TRPV5: variants seen among roughly 807,000 people sequenced by gnomAD.
TRPV5 encodes transient receptor potential cation channel subfamily V member 5.
In TRPV5, 66 loss-of-function variants were observed where a neutral mutation model predicts 74.1. That is an observed-to-expected ratio of 0.89 (90% confidence interval 0.73 to 1.09). The LOEUF (loss-of-function observed/expected upper bound fraction) is 1.09, where lower values mean the gene tolerates loss of function less well. Ranked by LOEUF, TRPV5 falls within the 50% of genes least tolerant of loss-of-function variation. TRPV5 has a pLI of 0.00. For synonymous variants in TRPV5, 399 were observed against 360.7 expected, an observed-to-expected ratio of 1.11 and a Z score of -1.20; for missense variants, 936 against 930.4, an observed-to-expected ratio of 1.01 and a Z score of -0.08.
intron 1 of TRPV5, among the ~76,000 whole-genome samples, chr7:142,930,707 T>C (rs927249553): frequency 1.3e-5 from 2 of 152,202 alleles, no homozygotes; most frequent in African/African-American, 4.8e-5. Flanking sequence ...GAAGAGTTAA[T>C]AGGAAGAGAA....
Position 142,909,471 on chromosome 7 carries a change from T to C in TRPV5, c.1895+19A>G. The C allele has an allele frequency of 1.2e-6, 2 of 1,613,284 alleles. No individual in the cohort carries two copies. The highest frequency in any genetic ancestry group is 1.3e-5 in the African/African-American group (1 of 75,042). ...CCTTATACACATCTGCAGTTTTGCA[T>C]GTGCACACCATCACTCACCGCAGGA... On this transcript the variant is annotated intron_variant, in intron 14 of 14. Transcript: ENST00000265310.
Position 142,908,242 on chromosome 7 carries a change from T to C in TRPV5, c.*272A>G. The C allele has an allele frequency of 3.6e-6, 2 of 548,076 alleles. No individual in the cohort carries two copies. The highest frequency in any genetic ancestry group is 4.8e-5 in the South Asian group (2 of 41,696). 34.0% of individuals were successfully genotyped at this position (548,076 alleles called of 1,614,324 possible). ...AAATGGTCCTGACATTAATCTAGCA[T>C]CCCTGCCTCATGTCTTTAGTTGCCA... On this transcript the variant is annotated 3_prime_UTR_variant, in exon 15 of 15. Coordinates refer to ENST00000265310, the MANE Select transcript of TRPV5 (RefSeq NM_019841.7).
At chr7:142,913,765 T>C (rs1795746565) in intron 12 of TRPV5, among the ~76,000 whole-genome samples, 1 of 152,254 alleles carries the variant, frequency 6.6e-6, no homozygotes, top group Non-Finnish European at 1.5e-5. Context: ...AATAGAGTCC[T>C]CTGCACTGAG....
Position 142,909,518 on chromosome 7 carries a change from A to C in TRPV5, c.1867T>G (p.Phe623Val). ...AGGAACCAGCGGTCCCCCAGCCCGA[A>C]TTCGCACCCACAGATCCCGGAGCGA... is the stretch of plus-strand genomic sequence containing the variant. ...WPRSGICGCE[F>V]GLGDRWFLRV... The change falls in exon 14 of 15, where the codon TTC becomes GTC. Residue 623 changes from phenylalanine (F) to valine (V), a missense_variant. Coordinates refer to ENST00000265310, the MANE Select transcript of TRPV5 (RefSeq NM_019841.7). 6.2e-7 allele frequency: 1 copy of C among 1,614,094 alleles called. No homozygotes were observed.
chr7:142,914,613 C>A lies in TRPV5; in HGVS notation c.1519+27G>T, dbSNP rs763189416. 5 of 1,600,360 alleles carry A rather than the reference C, an allele frequency of 3.1e-6. No individual in the cohort carries two copies. The Admixed American group carries it at 8.4e-5, about 27-fold the overall frequency. On this transcript the variant is annotated intron_variant, in intron 12 of 14. Coordinates refer to ENST00000265310, the MANE Select transcript of TRPV5 (RefSeq NM_019841.7). The stretch of plus-strand genomic sequence containing the variant: ...TTTCTGGAGAACTAGATCTGCTGAT[C>A]TAGTAGAGGAGTGTATGGTGCCTTA...
chr7:142,917,496 C>T (rs531662072), intron 8 of TRPV5, among the ~76,000 whole-genome samples: 106 of 152,278 alleles, frequency 7.0e-4, no homozygotes, highest in Admixed American at 1.3e-3. Context: ...CCCCTAGAAT[C>T]CAGCCAGGGA....
rs765394613 is a variant in TRPV5, at chr7:142,912,625, C to T, written c.1645G>A (p.Val549Met). The change falls in exon 13 of 15, where the codon GTG becomes ATG. Residue 549 changes from valine to methionine, a missense_variant. Transcript: ENST00000265310. ...TVIDAPANYD[V>M]DLPFMFSIVN... ...ATGCTGAACATGAAGGGCAAGTCCA[C>T]GTCGTAGTTGGCAGGTGCATCAATA... The T allele has an allele frequency of 9.3e-6, 15 of 1,614,100 alleles. No homozygotes were observed. Among genetic ancestry groups the T allele is most frequent in the African/African-American group, 1.3e-5 (1 of 74,924 alleles).
intron 13 of TRPV5, among the ~76,000 whole-genome samples, chr7:142,911,286 C>T (rs1795700480): frequency 6.6e-6 from 1 of 152,160 alleles, no homozygotes; most frequent in Admixed American, 6.5e-5. Flanking sequence ...CCAGATACCT[C>T]TAAAGTTAGT....
chr7:142,924,343 T>TATATATACATATACATGTATATATATAC (rs1795942331), intron 8 of TRPV5, among the ~76,000 whole-genome samples: 4 of 12,204 alleles, frequency 3.3e-4, no homozygotes, highest in African/African-American at 5.6e-4. Flanking sequence ...TATACATATA[T>TATATATACATATACATGTATATATATAC]ATATATATAG....
rs1453823231 is a variant in TRPV5 at position 142,912,873 on chromosome 7, T to TATCTATCTATCTATC, written c.1520-124_1520-123insGATAGATAGATAGAT. Reference sequence around the variant, plus strand: ...CTATCTATCTATCTATCTATCTATCTATCTATCTAAATACACTTGCACACA... The same window carrying TATCTATCTATCTATC: ...CTATCTATCTATCTATCTATCTATCTATCTATCTATCTATCATCTATCTAAATACACTTGCACACA... On this transcript the variant is annotated intron_variant, in intron 12 of 14. Coordinates refer to ENST00000265310, the MANE Select transcript of TRPV5 (RefSeq NM_019841.7). 17 of 1,105,400 alleles carry TATCTATCTATCTATC rather than the reference T, an allele frequency of 1.5e-5. No individual in the cohort carries two copies. In the East Asian group the frequency reaches 4.2e-4, roughly 27 times the overall value. 68.5% of individuals were successfully genotyped at this position (1,105,400 alleles called of 1,614,324 possible). A position where few individuals can be genotyped will look rare whatever the true frequency, so the allele number is the denominator to read the frequency against.
At chr7:142,909,191 G>T (rs1047346889) in intron 14 of TRPV5, among the ~76,000 whole-genome samples, 1 of 152,144 alleles carries the variant, frequency 6.6e-6, no homozygotes, top group Non-Finnish European at 1.5e-5. Context: ...GGAGATGAGG[G>T]CAGAATATGA....
rs1478831936 is a variant in TRPV5 at position 142,933,610 on chromosome 7, T to C, written c.-151A>G. ...ACTTGTGTATGCAGCATGCAGCTTG[T>C]AGGTGTGTGTGTGTGCATGCAGTAT... On this transcript the variant is annotated 5_prime_UTR_variant, in exon 1 of 15. Transcript: ENST00000265310. 8.5e-6 allele frequency: 9 copies of C among 1,056,956 alleles called. No individual in the cohort carries two copies. Among genetic ancestry groups the C allele is most frequent in the African/African-American group, 1.6e-5 (1 of 62,622 alleles). 65.5% of individuals were successfully genotyped at this position (1,056,956 alleles called of 1,614,324 possible).
chr7:142,927,986 G>T, intron 7 of TRPV5, 102 bp downstream of exon 7: 2 of 1,431,936 alleles, frequency 1.4e-6, no homozygotes, highest in Non-Finnish European at 9.7e-7. Context: ...CTATTATAAG[G>T]CTGGGAAGTG....
rs370766833 is a variant in TRPV5, at chr7:142,933,431, C to A, written c.29G>T (p.Gly10Val). The A allele has an allele frequency of 6.2e-6, 10 of 1,613,966 alleles. No homozygotes were observed. The African/African-American group carries it at 1.2e-4, about 19-fold the overall frequency. Reference protein sequence around the residue: MGGFLPKAEGPGSQLQKLLP... With the variant: MGGFLPKAEVPGSQLQKLLP... ...AAGTTTCTGGAGTTGGCTCCCGGGC[C>A]CTTCTGCCTTAGGTAGAAAACCCCC... is the stretch of plus-strand genomic sequence containing the variant. Residue 10 changes from glycine to valine, a missense_variant, in exon 1 of 15, where the codon GGG (glycine) becomes GTG (valine). Transcript: ENST00000265310.
In TRPV5 at chr7:142,914,899, G is replaced by A; in HGVS notation, c.1434C>T (p.Phe478=). 4 of 1,614,172 alleles carry A rather than the reference G, an allele frequency of 2.5e-6. No homozygotes were observed. The highest frequency in any genetic ancestry group is 3.4e-6 in the Non-Finnish European group (4 of 1,180,026). Residue 478 remains phenylalanine, a synonymous_variant, in exon 11 of 15, where the codon TTC becomes TTT. Transcript: ENST00000265310. Reference sequence around the variant, plus strand: ...CACTGACCTTCTGGATCATGATGGTGAAGGGACCCAGCATCTGGAATCCTC... The same window carrying A: ...CACTGACCTTCTGGATCATGATGGTAAAGGGACCCAGCATCTGGAATCCTC... ...FTRGFQMLGP[F]TIMIQKMIFG...
intron 5 of TRPV5, 46 bp from the exon 6 acceptor site, chr7:142,928,912 T>C (rs780754749): frequency 6.2e-7 from 1 of 1,611,998 alleles, no homozygotes; most frequent in South Asian, 1.1e-5. Context: ...CTAAAGTCCC[T>C]GATGTCCCCA....
intron 8 of TRPV5, among the ~76,000 whole-genome samples, chr7:142,922,206 A>G (rs1424784743): frequency 1.3e-5 from 2 of 152,242 alleles, no homozygotes; most frequent in Non-Finnish European, 2.9e-5. Flanking sequence ...TTGAATTTCC[A>G]ACACCTGGAA....
Position 142,933,431 on chromosome 7 carries a change from C to T in TRPV5, c.29G>A (p.Gly10Glu). The change falls in exon 1 of 15, where the codon GGG becomes GAG. Residue 10 changes from glycine (G) to glutamate (E), a missense_variant. Physicochemically the swap from Gly to Glu is moderately conservative, Grantham distance 98. Transcript: ENST00000265310. ...AAGTTTCTGGAGTTGGCTCCCGGGC[C>T]CTTCTGCCTTAGGTAGAAAACCCCC... The part of the protein sequence containing the change: MGGFLPKAE[G>E]PGSQLQKLLP... 1 of 1,614,084 alleles carries T rather than the reference C, an allele frequency of 6.2e-7. No individual in the cohort carries two copies. Among genetic ancestry groups the T allele is most frequent in the Non-Finnish European group, 8.5e-7 (1 of 1,179,984 alleles).
chr7:142,931,793 C>T (rs538053657), intron 1 of TRPV5, among the ~76,000 whole-genome samples: 217 of 152,274 alleles, frequency 1.4e-3, no homozygotes, highest in Non-Finnish European at 2.6e-3. Flanking sequence ...CTTCCGCCTC[C>T]TGGGTTCAAG....
Sources: gnomAD v4.1 joint callset for allele counts (sites outside exome capture counted in the v4.1 genomes callset) on GRCh38, gnomAD v4.1.1 for gene constraint, MANE v1.5 for transcripts, NCBI Gene and HGNC (gene_info 2026-07-23, HGNC 2026-07-21) for gene names.